Variants in DENND2C observed in about 807,000 individuals in gnomAD.
The protein encoded by DENND2C is DENN domain containing 2C, also known as DENN domain-containing protein 2C.
In DENND2C, 72 loss-of-function variants were observed where a neutral mutation model predicts 112.4. The ratio of observed to expected loss-of-function variants is 0.64; its 90% CI spans 0.53 to 0.78. The LOEUF (loss-of-function observed/expected upper bound fraction) is 0.78, where lower values mean the gene tolerates loss of function less well. Ranked by LOEUF, DENND2C falls within the 30% of genes least tolerant of loss-of-function variation. The probability of loss-of-function intolerance (pLI) is 0.00; values close to 1 mark genes in which losing one functional copy is unlikely to be tolerated. For synonymous variants in DENND2C, 329 were observed against 381.6 expected (o/e 0.86, Z 1.61); for missense variants, 992 against 1,113.8 (o/e 0.89, Z 1.56).
chr1:114,601,882 C>T (rs1166128606), intron 12 of DENND2C, among the ~76,000 whole-genome samples: 1 of 152,188 alleles, frequency 6.6e-6, no homozygotes, highest in Non-Finnish European at 1.5e-5. Context: ...GAGATTCAGC[C>T]ACTATGTCAT....
intron 6 of DENND2C, 133 bp from the exon 7 acceptor site, chr1:114,622,198 T>C: frequency 5.4e-6 from 5 of 921,478 alleles, no homozygotes; most frequent in Non-Finnish European, 7.9e-6. Flanking sequence ...ATTGCAGCCT[T>C]GATCTCCTGA....
At chr1:114,632,159 G>T (rs2101673156) in intron 3 of DENND2C, among the ~76,000 whole-genome samples, 1 of 152,268 alleles carries the variant, frequency 6.6e-6, no homozygotes, top group Middle Eastern at 3.4e-3. Context: ...GAGCTTCACT[G>T]GGACAACATC....
At chr1:114,619,557 G>A (rs1309647773) in intron 7 of DENND2C, among the ~76,000 whole-genome samples, 2 of 152,120 alleles carry the variant, frequency 1.3e-5, no homozygotes, top group Non-Finnish European at 2.9e-5. Context: ...AGAAACATAT[G>A]CTTCCAAAAC....
intron 2 of DENND2C, among the ~76,000 whole-genome samples, chr1:114,652,104 C>G (rs889528753): frequency 6.6e-6 from 1 of 152,172 alleles, no homozygotes; most frequent in Admixed American, 6.5e-5. Flanking sequence ...TTGATTTCAG[C>G]TCCTTGGCTG....
At chr1:114,585,722 G>C (rs1655022110) in intron 20 of DENND2C, 91 bp from the exon 21 acceptor site, 15 of 1,333,694 alleles carry the variant, frequency 1.1e-5, no homozygotes, top group Admixed American at 1.8e-5. Flanking sequence ...CAGTCATTCA[G>C]AACAGCCCAA....
At chr1:114,626,353 A>G (rs1341736772) in intron 3 of DENND2C, among the ~76,000 whole-genome samples, 165 bp from the exon 4 acceptor site, 1 of 152,186 alleles carries the variant, frequency 6.6e-6, no homozygotes, top group African/African-American at 2.4e-5. Flanking sequence ...CACTCCTAAG[A>G]TGGTGAGATA....
intron 1 of DENND2C, among the ~76,000 whole-genome samples, chr1:114,663,241 C>T (rs1043881329): frequency 1.3e-5 from 2 of 152,136 alleles, no homozygotes; most frequent in African/African-American, 4.8e-5. Context: ...GCAGAATACC[C>T]CTTCAAATTT....
chr1:114,659,312 T>A (rs1412019613), intron 1 of DENND2C, among the ~76,000 whole-genome samples: 2 of 151,758 alleles, frequency 1.3e-5, no homozygotes, highest in Admixed American at 6.6e-5. Context: ...ACCAGCCTGG[T>A]CAACACGGCG....
intron 7 of DENND2C, among the ~76,000 whole-genome samples, chr1:114,618,976 A>C (rs1354662692): frequency 1.3e-5 from 2 of 152,252 alleles, no homozygotes; most frequent in African/African-American, 4.8e-5. Context: ...CTAACATTAT[A>C]ATTTATTTTA....
rs191272489 is a variant in DENND2C, at chr1:114,583,917, T to C, written c.*1683A>G. On this transcript the variant is annotated 3_prime_UTR_variant, in exon 21 of 21. Transcript: ENST00000393274. ...TTCTCTTTCCAATCACTACTACTACTACTTTAGATATTAAAGGTCTGGATG... is the reference window on the plus strand; with the variant it reads ...TTCTCTTTCCAATCACTACTACTACCACTTTAGATATTAAAGGTCTGGATG... 1 of 151,754 alleles carries C rather than the reference T, an allele frequency of 6.6e-6. No individual in the cohort carries two copies. The allele number at this position is 151,754 out of a possible 1,614,324, so 9.4% of individuals were successfully genotyped here.
At chr1:114,603,560 A>G (rs1420153507) in intron 11 of DENND2C, among the ~76,000 whole-genome samples, 2 of 140,288 alleles carry the variant, frequency 1.4e-5, no homozygotes, top group Non-Finnish European at 3.1e-5. Flanking sequence ...TATTATTATT[A>G]TTTTTGGACA....
chr1:114,656,247 C>T (rs1452129026), intron 1 of DENND2C, among the ~76,000 whole-genome samples: 13 of 151,636 alleles, frequency 8.6e-5, no homozygotes, highest in African/African-American at 2.9e-4. Flanking sequence ...TGTTTAAAAA[C>T]TTTTTTTGTA....
At chr1:114,608,595 G>T in intron 10 of DENND2C, 91 bp downstream of exon 10, 1 of 1,412,662 alleles carries the variant, frequency 7.1e-7, no homozygotes, top group South Asian at 1.4e-5. Flanking sequence ...GTAAAAACTT[G>T]TTGAGATAAC....
chr1:114,669,109 A>G (rs1021987325), intron 1 of DENND2C, among the ~76,000 whole-genome samples: 2 of 152,248 alleles, frequency 1.3e-5, no homozygotes, highest in African/African-American at 2.4e-5. Flanking sequence ...CTATCACTTT[A>G]TCTAAAACAC....
chr1:114,659,565 A>T (rs1408304010), intron 1 of DENND2C, among the ~76,000 whole-genome samples: 3 of 152,194 alleles, frequency 2.0e-5, no homozygotes, highest in Admixed American at 2.0e-4. Flanking sequence ...GTAGCCAGAT[A>T]TAGACAATAG....
chr1:114,624,805 G>C (rs1417192574), intron 4 of DENND2C, among the ~76,000 whole-genome samples: 1 of 151,116 alleles, frequency 6.6e-6, no homozygotes, highest in African/African-American at 2.4e-5. Flanking sequence ...ATTTTTAGTA[G>C]AGACAGGGTT....
intron 2 of DENND2C, among the ~76,000 whole-genome samples, chr1:114,653,696 G>A (rs1451109260): frequency 2.0e-5 from 3 of 152,180 alleles, no homozygotes; most frequent in South Asian, 2.1e-4. Context: ...TGGAATAATG[G>A]ACCTTTTAAG....
chr1:114,594,383 T>C, intron 18 of DENND2C, 90 bp downstream of exon 18: 1 of 1,052,098 alleles, frequency 9.5e-7, no homozygotes. Context: ...AATGCTACTT[T>C]GGTATATCCT....
Position 114,625,772 on chromosome 1 carries a change from C to G in DENND2C, c.213G>C (p.Leu71Phe). Residue 71 changes from leucine to phenylalanine, a missense_variant, in exon 4 of 21, where the codon TTG becomes TTC. This residue lies in a region of DENND2C where 470 missense variants were observed against 472.7 expected (regional missense o/e 0.99). Transcript: ENST00000393274. ...NPIAERKSKNLDVTSRENVGL... is the reference protein window; with the variant it reads ...NPIAERKSKNFDVTSRENVGL... ...CCACATTTTCACGGCTGGTTACATC[C>G]AAGTTTTTGCTCTTTCTCTCAGCTA... The G allele has an allele frequency of 1.9e-6, 3 of 1,614,018 alleles. No individual in the cohort carries two copies. Among genetic ancestry groups the G allele is most frequent in the Non-Finnish European group, 2.5e-6 (3 of 1,180,000 alleles).
Sources: allele counts gnomAD v4.1 joint callset (sites outside exome capture counted in the v4.1 genomes callset), GRCh38; gene constraint gnomAD v4.1.1; regional missense constraint gnomAD v4.1.1; transcripts MANE v1.5; gene names NCBI Gene and HGNC (gene_info 2026-07-23, HGNC 2026-07-21).